Variants in PLCB2 observed in about 807,000 individuals in gnomAD.
PLCB2 encodes phospholipase C beta 2, also known as 1-phosphatidylinositol 4,5-bisphosphate phosphodiesterase beta-2.
PLCB2 carries 115 observed loss-of-function variants against 141.7 expected under a neutral mutation model. The ratio of observed to expected loss-of-function variants is 0.81; its 90% CI spans 0.70 to 0.95. The LOEUF (loss-of-function observed/expected upper bound fraction) is 0.95. Ranked by LOEUF, PLCB2 falls within the 40% of genes least tolerant of loss-of-function variation. The pLI is 0.00. For synonymous variants in PLCB2, 603 were observed against 595.6 expected (o/e 1.01, Z -0.18); for missense variants, 1,403 against 1,541.1 (o/e 0.91, Z 1.50).
Position 40,293,036 on chromosome 15 carries a change from T to A in PLCB2, c.2227-11A>T, listed in dbSNP as rs372453290. 1 of 1,561,086 alleles carries A rather than the reference T, an allele frequency of 6.4e-7. No homozygotes were observed. Among genetic ancestry groups the A allele is most frequent in the Non-Finnish European group, 8.7e-7 (1 of 1,145,198 alleles). On this transcript the variant is annotated splice_polypyrimidine_tract_variant and intron_variant, in intron 20 of 31. Transcript: ENST00000260402. ...CTCAGGCATCAAGATCTGGGGAGAG[T>A]TGGGGACATGACAGGCTGGGAGGGG...
intron 2 of PLCB2, 22 bp from the exon 3 acceptor site, chr15:40,303,378 C>T (rs1038469492): frequency 1.1e-5 from 17 of 1,581,482 alleles, no homozygotes; most frequent in African/African-American, 5.4e-5. Flanking sequence ...GTGCGGATCC[C>T]GGTGGGAGCA....
chr15:40,301,919 G>A (rs771216734), intron 7 of PLCB2, 38 bp downstream of exon 7: 2 of 1,589,228 alleles, frequency 1.3e-6, no homozygotes, highest in East Asian at 2.2e-5. Flanking sequence ...GTGGGGACAA[G>A]AATGCTGGGG....
rs902357854 is a variant in PLCB2, at chr15:40,296,375, T to C, written c.1617A>G (p.Glu539=). The C allele has an allele frequency of 6.2e-7, 1 of 1,613,642 alleles. No homozygotes were observed. The highest frequency in any genetic ancestry group is 1.3e-5 in the African/African-American group (1 of 74,886). The change falls in exon 16 of 32, where the codon GAA becomes GAG. Residue 539 remains glutamate (E), a synonymous_variant. Coordinates refer to ENST00000260402, the MANE Select transcript of PLCB2 (RefSeq NM_004573.3). Reference sequence around the variant, plus strand: ...TGGACATCTCCTCATAAGCCGTCACTTCCAGGCCCGCTGTGCCCTAAGGAG... The same window carrying C: ...TGGACATCTCCTCATAAGCCGTCACCTCCAGGCCCGCTGTGCCCTAAGGAG... ...MQSDEGTAGL[E]VTAYEEMSSL... is the part of the protein sequence containing the mutation.
In PLCB2 at chr15:40,299,254, C is replaced by G. The variant is rs370436546; in HGVS notation, c.583-26G>C. 12 of 1,458,614 alleles carry G rather than the reference C, an allele frequency of 8.2e-6. No homozygotes were observed. The African/African-American group carries it at 1.7e-4, about 20-fold the overall frequency. 90.4% of individuals were successfully genotyped at this position (1,458,614 alleles called of 1,614,324 possible). ...CTAGGGGCATAGTAACCTTATTGCCCCTGCCCTCACCTTCTCAGAGCTAAG... is the reference window on the plus strand; with the variant it reads ...CTAGGGGCATAGTAACCTTATTGCCGCTGCCCTCACCTTCTCAGAGCTAAG... On this transcript the variant is annotated intron_variant, in intron 7 of 31. Coordinates refer to ENST00000260402, the MANE Select transcript of PLCB2 (RefSeq NM_004573.3).
At position 40,299,301 on chromosome 15, in the gene PLCB2, C is replaced by G. The variant is rs552366029; in HGVS notation, c.583-73G>C. 7 of 1,012,664 alleles carry G rather than the reference C, an allele frequency of 6.9e-6. No individual in the cohort carries two copies. The East Asian group carries it at 1.7e-4, about 24-fold the overall frequency. The allele number at this position is 1,012,664 out of a possible 1,614,324, so 62.7% of individuals were successfully genotyped here. ...TAAGAACCACAAACTCGGCCCAGCC[C>G]TGGTCAAGGGGACCTGGTCAGAAGG... is the stretch of plus-strand genomic sequence containing the variant. On this transcript the variant is annotated intron_variant, in intron 7 of 31. Coordinates refer to ENST00000260402, the MANE Select transcript of PLCB2 (RefSeq NM_004573.3).
In PLCB2 at chr15:40,301,962, C is replaced by G; in HGVS notation, c.577G>C (p.Gly193Arg). Residue 193 changes from glycine (G) to arginine (R), a missense_variant, in exon 7 of 32, where the codon GGC (glycine) becomes CGC (arginine). Around this residue, in one of 4 missense-constraint regions of PLCB2, gnomAD observed 975 missense variants for 1,141.1 expected, o/e 0.85. Coordinates refer to ENST00000260402, the MANE Select transcript of PLCB2 (RefSeq NM_004573.3). Reference sequence around the variant, plus strand: ...AGGGGTGCAGATCCACTCACTTTGCCTTTGGGGAGGTGGCAGGCACTGAGA... The same window carrying G: ...AGGGGTGCAGATCCACTCACTTTGCGTTTGGGGAGGTGGCAGGCACTGAGA... ...AALSACHLPK[G>R]KNDAINPEDF... 1 of 1,613,946 alleles carries G rather than the reference C, an allele frequency of 6.2e-7. No homozygotes were observed. The highest frequency in any genetic ancestry group is 1.1e-5 in the South Asian group (1 of 91,080).
At chr15:40,290,493 G>A in intron 29 of PLCB2, 84 bp downstream of exon 29, 1 of 972,558 alleles carries the variant, frequency 1.0e-6, no homozygotes, top group Non-Finnish European at 1.6e-6. Context: ...TCTTTGGGAA[G>A]TGAGTCAGGA....
At chr15:40,303,503 G>T in intron 2 of PLCB2, 147 bp from the exon 3 acceptor site, 1 of 641,716 alleles carries the variant, frequency 1.6e-6, no homozygotes, top group Non-Finnish European at 2.8e-6. Context: ...GCTGCCCAGG[G>T]CCAGCTGGAC....
rs1264563556 is a variant in PLCB2 at position 40,289,968 on chromosome 15, A to AGAGAGAGT, written c.3267+56_3267+57insACTCTCTC. On this transcript the variant is annotated intron_variant, in intron 30 of 31. Coordinates refer to ENST00000260402, the MANE Select transcript of PLCB2 (RefSeq NM_004573.3). ...GAGAGAGAGAGAGAGAGAGAGAGAG[A>AGAGAGAGT]GTGTGTGTGTGTGTGTGTGTGTGTG... is the stretch of plus-strand genomic sequence containing the variant. The AGAGAGAGT allele has an allele frequency of 5.1e-5, 27 of 525,060 alleles. No individual in the cohort carries two copies. In the African/African-American group the frequency reaches 5.8e-4, roughly 11 times the overall value. The allele number at this position is 525,060 out of a possible 1,614,324, so 32.5% of individuals were successfully genotyped here.
Position 40,298,842 on chromosome 15 carries a change from C to T in PLCB2, c.806G>A (p.Gly269Asp). ...ACTGGGCTCATACTTGTCGATGAGG[C>T]CCTGCACCTGGTCAGGCCGTGCTGG... ...FPPARPDQVQGLIDKYEPSGI... is the reference protein window; with the variant it reads ...FPPARPDQVQDLIDKYEPSGI... Residue 269 changes from glycine to aspartate, a missense_variant, in exon 9 of 32, where the codon GGC (glycine) becomes GAC (aspartate). Physicochemically the swap from Gly to Asp is moderately conservative, Grantham distance 94. This residue lies in a region of PLCB2 where 975 missense variants were observed against 1,141.1 expected (regional missense o/e 0.85). Transcript: ENST00000260402. The T allele has an allele frequency of 6.2e-7, 1 of 1,613,746 alleles. No individual in the cohort carries two copies. The highest frequency in any genetic ancestry group is 1.1e-5 in the South Asian group (1 of 91,070).
chr15:40,285,476 AT>A (rs371552968), downstream of PLCB2: 443 of 950,050 alleles, frequency 4.7e-4, 3 homozygotes, highest in African/African-American at 7.0e-3. Context: ...TAGTTATTTC[AT>A]TTTTTTTATT....
intron 2 of PLCB2, 70 bp from the exon 3 acceptor site, chr15:40,303,426 G>A (rs1869901): frequency 0.64 from 716,447 of 1,113,060 alleles, 232,056 homozygotes; most frequent in East Asian, 0.84. Flanking sequence ...GGTCAAGAAT[G>A]AGCAATAGGG....
rs1242753795 is a variant in PLCB2, at chr15:40,294,396, G to T, written c.1931C>A (p.Ala644Glu). ...TMDLPMQQNMAVFEFNGQSGY... is the reference protein window; with the variant it reads ...TMDLPMQQNMEVFEFNGQSGY... ...GCTCTGCCCGTTGAACTCAAATACTGCCATGTTCTGCTGCATGGGCAAGTC... is the reference window on the plus strand; with the variant it reads ...GCTCTGCCCGTTGAACTCAAATACTTCCATGTTCTGCTGCATGGGCAAGTC... The change falls in exon 19 of 32, where the codon GCA becomes GAA. Residue 644 changes from alanine (A) to glutamate (E), a missense_variant. Around this residue, in one of 4 missense-constraint regions of PLCB2, gnomAD observed 975 missense variants for 1,141.1 expected, o/e 0.85. Coordinates refer to ENST00000260402, the MANE Select transcript of PLCB2 (RefSeq NM_004573.3). 6.2e-7 allele frequency: 1 copy of T among 1,614,182 alleles called. No individual in the cohort carries two copies. Among genetic ancestry groups the T allele is most frequent in the Non-Finnish European group, 8.5e-7 (1 of 1,180,040 alleles).
At position 40,291,035 on chromosome 15, in the gene PLCB2, C is replaced by T. The variant is rs760561984; in HGVS notation, c.3019G>A (p.Glu1007Lys). 5 of 1,594,068 alleles carry T rather than the reference C, an allele frequency of 3.1e-6. No individual in the cohort carries two copies. The South Asian group carries it at 5.5e-5, about 18-fold the overall frequency. The change falls in exon 27 of 32, where the codon GAG (glutamate) becomes AAG (lysine). Residue 1007 changes from glutamate (E) to lysine (K), a missense_variant. Around this residue, in one of 4 missense-constraint regions of PLCB2, gnomAD observed 290 missense variants for 245.9 expected, o/e 1.18. Coordinates refer to ENST00000260402, the MANE Select transcript of PLCB2 (RefSeq NM_004573.3). ...EQYECVLKRK[E>K]QHVAEQISKM... ...CCGGCCACCTCGGCCACGTGCTGCT[C>T]CTTGCGCTTCAGAACGCACTCGTAC...
intron 31 of PLCB2, 168 bp from the exon 32 acceptor site, chr15:40,289,086 G>C: frequency 3.6e-6 from 4 of 1,123,260 alleles, no homozygotes; most frequent in Non-Finnish European, 5.0e-6. Context: ...GAGCCTCTCA[G>C]GAAAGGGGAT....
At chr15:40,293,487 G>T in intron 20 of PLCB2, 73 bp downstream of exon 20, 1 of 1,463,364 alleles carries the variant, frequency 6.8e-7, no homozygotes, top group African/African-American at 1.4e-5. Context: ...GAGCTGCCTT[G>T]TTTACTTCCT....
Position 40,298,285 on chromosome 15 carries a change from G to A in PLCB2, c.1093C>T (p.Pro365Ser). The A allele has an allele frequency of 6.2e-7, 1 of 1,603,982 alleles. No individual in the cohort carries two copies. Among genetic ancestry groups the A allele is most frequent in the South Asian group, 1.1e-5 (1 of 90,134 alleles). The change falls in exon 11 of 32, where the codon CCC (proline) becomes TCC (serine). Residue 365 changes from proline to serine, a missense_variant. Physicochemically the swap from Pro to Ser is moderately conservative, Grantham distance 74. This residue lies in a region of PLCB2 where 975 missense variants were observed against 1,141.1 expected (regional missense o/e 0.85). Coordinates refer to ENST00000260402, the MANE Select transcript of PLCB2 (RefSeq NM_004573.3). ...CVELDCWKGK[P>S]PDEEPIITHG... ...GTGATAATGGGCTCCTCGTCAGGGGGTTTCCCCTTCCAGCAGTCTAGCTCC... is the reference window on the plus strand; with the variant it reads ...GTGATAATGGGCTCCTCGTCAGGGGATTTCCCCTTCCAGCAGTCTAGCTCC...
Position 40,291,836 on chromosome 15 carries a change from C to A in PLCB2, c.2602+13G>T, listed in dbSNP as rs778408182. The A allele has an allele frequency of 4.3e-6, 7 of 1,614,098 alleles. No individual in the cohort carries two copies. The highest frequency in any genetic ancestry group is 5.9e-6 in the Non-Finnish European group (7 of 1,179,964). On this transcript the variant is annotated intron_variant, in intron 24 of 31. Transcript: ENST00000260402. Reference sequence around the variant, plus strand: ...GAGGTGCCCCCAGTAGGTGTGCGGACCGAAGCTCATACCTGGTGACCCATT... The same window carrying A: ...GAGGTGCCCCCAGTAGGTGTGCGGAACGAAGCTCATACCTGGTGACCCATT...
At chr15:40,286,640 C>A (rs1206213966), downstream of PLCB2, among the ~76,000 whole-genome samples, 1 of 152,194 alleles carries the variant, frequency 6.6e-6, no homozygotes, top group Non-Finnish European at 1.5e-5. Flanking sequence ...AGTGATGGAA[C>A]CCAGGTGTCC....
Sources: allele counts gnomAD v4.1 joint callset (sites outside exome capture counted in the v4.1 genomes callset), GRCh38; gene constraint gnomAD v4.1.1; regional missense constraint gnomAD v4.1.1; transcripts MANE v1.5; gene names NCBI Gene and HGNC (gene_info 2026-07-23, HGNC 2026-07-21).